Variants in RNF8 observed in about 807,000 individuals in gnomAD.
The protein encoded by RNF8 is ring finger protein 8.
Under a neutral mutation model 59.3 loss-of-function variants are expected in RNF8, and 8 were observed. The ratio of observed to expected loss-of-function variants is 0.13; its 90% CI spans 0.08 to 0.24. The LOEUF is 0.24. Ranked by LOEUF, RNF8 falls within the 10% of genes least tolerant of loss-of-function variation. The pLI, the probability that RNF8 is intolerant of heterozygous loss-of-function variation, is 1.00. For missense variants in RNF8, 406 were observed against 572.6 expected (o/e 0.71, Z 2.97); for synonymous variants, 162 against 200.0 (o/e 0.81, Z 1.60).
chr6:37,386,706 G>A (rs540135691), intron 7 of RNF8, among the ~76,000 whole-genome samples: 12 of 152,264 alleles, frequency 7.9e-5, no homozygotes, highest in South Asian at 4.2e-4. Flanking sequence ...GGATCCCATC[G>A]CTGCTGGAGG....
chr6:37,387,349 C>T (rs1290956383), intron 7 of RNF8, among the ~76,000 whole-genome samples: 1 of 152,164 alleles, frequency 6.6e-6, no homozygotes, highest in Admixed American at 6.6e-5. Context: ...TTACTTGCTT[C>T]CTTTCTTCTG....
At chr6:37,380,464 A>C (rs1562095727) in intron 6 of RNF8, among the ~76,000 whole-genome samples, 1 of 151,920 alleles carries the variant, frequency 6.6e-6, no homozygotes, top group Non-Finnish European at 1.5e-5. Context: ...AGGTCAGGAG[A>C]TCGAGACCAT....
At position 37,392,226 on chromosome 6, in the gene RNF8, C is replaced by T. The variant is rs1260910573; in HGVS notation, c.*1468C>T. 1 of 380,622 alleles carries T rather than the reference C, an allele frequency of 2.6e-6. No homozygotes were observed. Among genetic ancestry groups the T allele is most frequent in the South Asian group, 1.5e-4 (1 of 6,862 alleles). 23.6% of individuals were successfully genotyped at this position (380,622 alleles called of 1,614,324 possible). ...GAGAACAAAAGGAAAAGATTGTTAC[C>T]ACCTTGATTTAATAACTTCTTGTTT... On this transcript the variant is annotated 3_prime_UTR_variant, in exon 8 of 8. Coordinates refer to ENST00000373479, the MANE Select transcript of RNF8 (RefSeq NM_003958.4).
At chr6:37,384,268 G>C (rs1260593699) in intron 7 of RNF8, among the ~76,000 whole-genome samples, 1 of 151,936 alleles carries the variant, frequency 6.6e-6, no homozygotes, top group East Asian at 1.9e-4. Flanking sequence ...AGCCTCCTGG[G>C]TAGCTAGGAT....
rs1770747293 is a variant in RNF8 at position 37,392,289 on chromosome 6, T to C, written c.*1531T>C. 1 of 396,650 alleles carries C rather than the reference T, an allele frequency of 2.5e-6. No homozygotes were observed. The highest frequency in any genetic ancestry group is 1.4e-4 in the South Asian group (1 of 7,020). 24.6% of individuals were successfully genotyped at this position (396,650 alleles called of 1,614,324 possible). Reference sequence around the variant, plus strand: ...GTTTTGTTTATAGATTGCATGGGTATATGTCAATTTTTATATGTTCTGTGT... The same window carrying C: ...GTTTTGTTTATAGATTGCATGGGTACATGTCAATTTTTATATGTTCTGTGT... On this transcript the variant is annotated 3_prime_UTR_variant, in exon 8 of 8. Coordinates refer to ENST00000373479, the MANE Select transcript of RNF8 (RefSeq NM_003958.4).
intron 2 of RNF8, 55 bp from the exon 3 acceptor site, chr6:37,368,429 C>T: frequency 6.2e-7 from 1 of 1,613,556 alleles, no homozygotes; most frequent in East Asian, 2.2e-5. Flanking sequence ...AGAGAGATTC[C>T]TTTAAGAAGA....
At chr6:37,371,761 C>G (rs1769815332) in intron 4 of RNF8, among the ~76,000 whole-genome samples, 187 bp downstream of exon 4, 1 of 152,122 alleles carries the variant, frequency 6.6e-6, no homozygotes, top group Admixed American at 6.5e-5. Context: ...ACATGCCAGA[C>G]CTCAGCATGA....
intron 1 of RNF8, among the ~76,000 whole-genome samples, chr6:37,355,139 A>T (rs1260950777): frequency 6.6e-6 from 1 of 152,140 alleles, no homozygotes; most frequent in African/African-American, 2.4e-5. Flanking sequence ...TTCAAGATGC[A>T]CCAGCGTGGT....
intron 1 of RNF8, among the ~76,000 whole-genome samples, chr6:37,358,469 G>A (rs1581662043): frequency 6.6e-6 from 1 of 152,166 alleles, no homozygotes; most frequent in South Asian, 2.1e-4. Context: ...TGCAGAGATA[G>A]GAATGAACAG....
intron 2 of RNF8, among the ~76,000 whole-genome samples, chr6:37,364,942 G>A (rs1769487098): frequency 6.6e-6 from 1 of 152,012 alleles, no homozygotes; most frequent in Admixed American, 6.6e-5. Flanking sequence ...GCTAATTTTT[G>A]TCTTTTTAGT....
At chr6:37,365,020 C>T (rs1488938035) in intron 2 of RNF8, among the ~76,000 whole-genome samples, 1 of 152,126 alleles carries the variant, frequency 6.6e-6, no homozygotes, top group Non-Finnish European at 1.5e-5. Flanking sequence ...CCACCTGCCT[C>T]GGCTTCCCAA....
chr6:37,379,068 G>A (rs1321437361), intron 6 of RNF8, among the ~76,000 whole-genome samples: 1 of 152,090 alleles, frequency 6.6e-6, no homozygotes, highest in East Asian at 1.9e-4. Flanking sequence ...CCAGGCTGGA[G>A]TGCAGTGGCG....
At chr6:37,377,926 G>T (rs895330839) in intron 6 of RNF8, among the ~76,000 whole-genome samples, 6 of 152,110 alleles carry the variant, frequency 3.9e-5, no homozygotes, top group Admixed American at 1.3e-4. Context: ...GACAAATTCT[G>T]CTGTTTGTGA....
chr6:37,376,805 T>C (rs1770036932), intron 5 of RNF8, 121 bp from the exon 6 acceptor site: 1 of 663,532 alleles, frequency 1.5e-6, no homozygotes, highest in South Asian at 1.7e-5. Context: ...TTAATGTTGC[T>C]GCACCAGAAT....
chr6:37,389,460 T>A (rs1387591098), intron 7 of RNF8, among the ~76,000 whole-genome samples: 1 of 151,928 alleles, frequency 6.6e-6, no homozygotes, highest in African/African-American at 2.4e-5. Flanking sequence ...AAGAAGGCTG[T>A]ATTTGGAGGA....
intron 2 of RNF8, among the ~76,000 whole-genome samples, chr6:37,366,993 C>T (rs1233103026): frequency 6.6e-6 from 1 of 152,138 alleles, no homozygotes; most frequent in Non-Finnish European, 1.5e-5. Context: ...CATTTGTGCC[C>T]TTGTGTTGTC....
rs1327188283 is a variant in RNF8 at position 37,361,945 on chromosome 6, T to G, written c.240+1371T>G. The stretch of plus-strand genomic sequence containing the variant: ...GAGATAAACTGTCTTGCCCAAAGCC[T>G]TCTCTATAATGAGCCAGGACTTAAG... On this transcript the variant is annotated intron_variant, in intron 2 of 7. Coordinates refer to ENST00000373479, the MANE Select transcript of RNF8 (RefSeq NM_003958.4). 2.0e-5 allele frequency among the ~76,000 whole-genome samples: 3 copies of G among 152,230 alleles called. No homozygotes were observed. In the East Asian group the frequency reaches 5.8e-4, roughly 29 times the overall value.
chr6:37,369,359 A>G, intron 3 of RNF8, 141 bp downstream of exon 3: 7 of 1,039,564 alleles, frequency 6.7e-6, no homozygotes, highest in Non-Finnish European at 9.6e-6. Flanking sequence ...GGAACAGTAA[A>G]CTTTTGAGAT....
In RNF8 at chr6:37,371,110, G is replaced by A. The variant is rs138898726; in HGVS notation, c.976-402G>A. ...CAGAATGAGAGACAAGATGGCCAGA[G>A]TAGAGGGAAAAGAAGCATGCTAGAT... On this transcript the variant is annotated intron_variant, in intron 3 of 7. Coordinates refer to ENST00000373479, the MANE Select transcript of RNF8 (RefSeq NM_003958.4). Among the ~76,000 whole-genome samples, 494 of 152,246 alleles carry A rather than the reference G, an allele frequency of 3.2e-3. 1 individual carries two copies. Among genetic ancestry groups the A allele is most frequent in the African/African-American group, 0.011 (475 of 41,546 alleles).
Sources: gnomAD v4.1 joint callset for allele counts (sites outside exome capture counted in the v4.1 genomes callset) on GRCh38, gnomAD v4.1.1 for gene constraint, MANE v1.5 for transcripts, NCBI Gene and HGNC (gene_info 2026-07-23, HGNC 2026-07-21) for gene names.